Variants in MAP2 observed in about 807,000 individuals in gnomAD.
MAP2 encodes the protein microtubule associated protein 2.
A neutral mutation model predicts 137.6 loss-of-function variants in MAP2; 14 were observed. The observed-to-expected ratio is 0.10, with a 90% confidence interval of 0.07 to 0.16. The LOEUF is 0.16. Among genes scored for constraint, MAP2 ranks in the 10% least tolerant of loss-of-function variants. The pLI, the probability that MAP2 is intolerant of heterozygous loss-of-function variation, is 1.00. For synonymous variants in MAP2, 786 were observed against 782.3 expected (o/e 1.00, Z -0.08); for missense variants, 2,088 against 2,191.5 (o/e 0.95, Z 0.94).
intron 1 of MAP2, among the ~76,000 whole-genome samples, chr2:209,425,031 T>C (rs1692156603): frequency 6.6e-6 from 1 of 152,070 alleles, no homozygotes; most frequent in Non-Finnish European, 1.5e-5. Flanking sequence ...CCACCTCGTC[T>C]TTTGTTTAAG....
Position 209,648,803 on chromosome 2 carries a change from AG to A in MAP2, c.-29-4338del, listed in dbSNP as rs371886668. Among the ~76,000 whole-genome samples the A allele has an allele frequency of 3.1e-4, 44 of 141,960 alleles. 3 individuals carry two copies. The highest frequency in any genetic ancestry group is 1.0e-3 in the African/African-American group (35 of 33,944). 93.1% of individuals were successfully genotyped at this position (141,960 alleles called of 152,430 possible). ...GACTCCGTCTCAAAAAAAAAAAAAA[AG>A]AAAGAAAGAAAGTTGTTTAGGTAGC... On this transcript the variant is annotated intron_variant, in intron 4 of 15. Coordinates refer to ENST00000682079, the MANE Select transcript of MAP2 (RefSeq NM_001375505.1).
chr2:209,436,241 A>C (rs948218791), intron 1 of MAP2, among the ~76,000 whole-genome samples: 4 of 151,114 alleles, frequency 2.6e-5, no homozygotes, highest in Admixed American at 2.0e-4. Flanking sequence ...TTAGATATTT[A>C]TTTCTAATTT....
chr2:209,573,298 G>GGTTTTTTTTTTTTT (rs770132978), intron 2 of MAP2, among the ~76,000 whole-genome samples: 43 of 120,052 alleles, frequency 3.6e-4, no homozygotes, highest in African/African-American at 1.4e-3. Flanking sequence ...TTCTTTTTCT[G>GGTTTTTTTTTTTTT]TTTTTTTTTT....
At chr2:209,658,960 T>C (rs1367405388) in intron 5 of MAP2, among the ~76,000 whole-genome samples, 1 of 152,222 alleles carries the variant, frequency 6.6e-6, no homozygotes, top group Non-Finnish European at 1.5e-5. Context: ...ATATCTTTTA[T>C]CTCATTTCAT....
chr2:209,685,697 T>C (rs116289779), intron 7 of MAP2, among the ~76,000 whole-genome samples: 1,566 of 152,332 alleles, frequency 0.01, 20 homozygotes, highest in African/African-American at 0.036. Context: ...CTTTTTGTTG[T>C]TTCCTGATTA....
intron 7 of MAP2, among the ~76,000 whole-genome samples, chr2:209,683,542 A>T (rs1204941102): frequency 1.3e-5 from 2 of 152,080 alleles, no homozygotes; most frequent in East Asian, 3.8e-4. Context: ...ATATACAAGT[A>T]TTTTTTAAGT....
At chr2:209,512,025 C>T (rs1028500268) in intron 2 of MAP2, among the ~76,000 whole-genome samples, 3 of 152,074 alleles carry the variant, frequency 2.0e-5, no homozygotes, top group Non-Finnish European at 2.9e-5. Flanking sequence ...CTGGCTTAAC[C>T]TCTGATGCCC....
At chr2:209,562,439 G>T (rs1258352624) in intron 2 of MAP2, among the ~76,000 whole-genome samples, 1 of 151,694 alleles carries the variant, frequency 6.6e-6, no homozygotes, top group Non-Finnish European at 1.5e-5. Flanking sequence ...GCTTACGTCT[G>T]TAATTCCAGA....
chr2:209,672,734 T>C (rs554044300), intron 5 of MAP2, among the ~76,000 whole-genome samples: 2 of 152,032 alleles, frequency 1.3e-5, no homozygotes, highest in African/African-American at 4.8e-5. Context: ...ATATGTGTAT[T>C]AAATAACATC....
chr2:209,682,654 G>A (rs968799456), intron 7 of MAP2, among the ~76,000 whole-genome samples: 1 of 152,122 alleles, frequency 6.6e-6, no homozygotes, highest in African/African-American at 2.4e-5. Context: ...GGATGGCTAA[G>A]TAGCTGAGAC....
intron 4 of MAP2, among the ~76,000 whole-genome samples, chr2:209,651,890 AACTT>A (rs1265117049): frequency 3.3e-5 from 5 of 152,194 alleles, no homozygotes; most frequent in African/African-American, 9.6e-5. Context: ...CTGATGGGAA[AACTT>A]ACTTTATTTA....
In MAP2 at chr2:209,695,928, A is replaced by G. The variant is rs2060063037; in HGVS notation, c.3758A>G (p.Asp1253Gly). 1 of 1,613,972 alleles carries G rather than the reference A, an allele frequency of 6.2e-7. No homozygotes were observed. The highest frequency in any genetic ancestry group is 1.3e-5 in the African/African-American group (1 of 74,924). Reference protein sequence around the residue: ...GEYDKLLFRSDTLQITDLGVS... With the variant: ...GEYDKLLFRSGTLQITDLGVS... Reference sequence around the variant, plus strand: ...TATGATAAACTGCTCTTCCGCTCAGACACCCTTCAGATAACTGACCTGGGT... The same window carrying G: ...TATGATAAACTGCTCTTCCGCTCAGGCACCCTTCAGATAACTGACCTGGGT... The change falls in exon 8 of 16, where the codon GAC becomes GGC. Residue 1253 changes from aspartate (D) to glycine (G), a missense_variant. Asp to Gly is a moderately conservative substitution (Grantham distance 94, BLOSUM62 -1). Transcript: ENST00000682079.
At position 209,693,022 on chromosome 2, in the gene MAP2, A is replaced by G; in HGVS notation, c.852A>G (p.Ile284Met). The G allele has an allele frequency of 1.2e-6, 2 of 1,612,922 alleles. No homozygotes were observed. Among genetic ancestry groups the G allele is most frequent in the Non-Finnish European group, 1.7e-6 (2 of 1,179,678 alleles). ...ATGAGTGGGGTTTAGTTGCCCCCAT[A>G]TCTCCTGGCCCTCTGACTCCCATGA... ...KKDEWGLVAP[I>M]SPGPLTPMRE... is the part of the protein sequence containing the mutation. The change falls in exon 8 of 16, where the codon ATA becomes ATG. Residue 284 changes from isoleucine (I) to methionine (M), a missense_variant. This residue lies in a region of MAP2 where 859 missense variants were observed against 794.5 expected (regional missense o/e 1.08). Coordinates refer to ENST00000682079, the MANE Select transcript of MAP2 (RefSeq NM_001375505.1).
At chr2:209,631,392 C>T (rs960478942) in intron 4 of MAP2, among the ~76,000 whole-genome samples, 1 of 152,056 alleles carries the variant, frequency 6.6e-6, no homozygotes, top group Non-Finnish European at 1.5e-5. Context: ...AAACCTCAGT[C>T]CTATGGTCAT....
intron 13 of MAP2, among the ~76,000 whole-genome samples, chr2:209,723,427 A>C (rs2072240673): frequency 6.6e-6 from 1 of 152,228 alleles, no homozygotes; most frequent in African/African-American, 2.4e-5. Context: ...ATAGGGGCTC[A>C]GATTTACATG....
chr2:209,431,961 T>C (rs1694396181), intron 1 of MAP2, among the ~76,000 whole-genome samples: 1 of 152,314 alleles, frequency 6.6e-6, no homozygotes, highest in South Asian at 2.1e-4. Flanking sequence ...TCCTGTGGTT[T>C]GGATCTCTCC....
chr2:209,556,034 T>TC (rs939573139), intron 2 of MAP2, among the ~76,000 whole-genome samples: 18 of 146,604 alleles, frequency 1.2e-4, no homozygotes, highest in Admixed American at 3.4e-4. Flanking sequence ...CTTTTTTTTT[T>TC]TTCTTTTCTT....
At chr2:209,582,908 C>T (rs182345485) in intron 3 of MAP2, among the ~76,000 whole-genome samples, 1 of 152,150 alleles carries the variant, frequency 6.6e-6, no homozygotes, top group Admixed American at 6.5e-5. Context: ...TAAGTGTGGT[C>T]TCCATTTTAC....
At chr2:209,679,051 C>T (rs1289032782) in intron 6 of MAP2, among the ~76,000 whole-genome samples, 2 of 151,940 alleles carry the variant, frequency 1.3e-5, no homozygotes, top group Admixed American at 6.6e-5. Flanking sequence ...TGATTATTTC[C>T]CTTTACAGGT....
Sources: allele counts gnomAD v4.1 joint callset (sites outside exome capture counted in the v4.1 genomes callset), GRCh38; gene constraint gnomAD v4.1.1; regional missense constraint gnomAD v4.1.1; transcripts MANE v1.5; gene names NCBI Gene and HGNC (gene_info 2026-07-23, HGNC 2026-07-21).